KANSL1: variants seen among roughly 807,000 people sequenced by gnomAD.
KANSL1 encodes MLL1/MLL complex subunit KANSL1.
Under a neutral mutation model 103.6 loss-of-function variants are expected in KANSL1, and 22 were observed. The ratio of observed to expected loss-of-function variants is 0.21; its 90% CI spans 0.15 to 0.30. The LOEUF (loss-of-function observed/expected upper bound fraction) is 0.30. Among genes scored for constraint, KANSL1 ranks in the 10% least tolerant of loss-of-function variants. The probability of loss-of-function intolerance (pLI) is 1.00; values close to 1 mark genes in which losing one functional copy is unlikely to be tolerated. For synonymous variants in KANSL1, 600 were observed against 527.6 expected (o/e 1.14, Z -1.88); for missense variants, 1,337 against 1,399.8 (o/e 0.96, Z 0.72).
At chr17:46,215,717 A>G (rs2048319294) in intron 1 of KANSL1, among the ~76,000 whole-genome samples, 1 of 152,212 alleles carries the variant, frequency 6.6e-6, no homozygotes. Context: ...AAGAGGTTGG[A>G]CTGGGGAAGT....
chr17:46,218,259 G>C (rs2048402129), intron 1 of KANSL1, among the ~76,000 whole-genome samples: 1 of 152,234 alleles, frequency 6.6e-6, no homozygotes, highest in Non-Finnish European at 1.5e-5. Context: ...GATGTCATAA[G>C]AAAATTCGCA....
chr17:46,035,899 T>C (rs910819823), intron 10 of KANSL1: 2 of 152,050 alleles, frequency 1.3e-5, no homozygotes, highest in Admixed American at 1.3e-4. Context: ...CCTATTATGT[T>C]AGCTACTCAT....
At chr17:46,138,339 T>C (rs1181530481) in intron 2 of KANSL1, among the ~76,000 whole-genome samples, 2 of 152,250 alleles carry the variant, frequency 1.3e-5, no homozygotes, top group Non-Finnish European at 2.9e-5. Context: ...GTACTGAATA[T>C]GTACAGACTT....
At chr17:46,190,364 G>A (rs531646465) in intron 1 of KANSL1, among the ~76,000 whole-genome samples, 1 of 152,360 alleles carries the variant, frequency 6.6e-6, no homozygotes, top group Admixed American at 6.5e-5. Flanking sequence ...AATAACATGT[G>A]TAGGCAGGAA....
In KANSL1 at chr17:46,062,683, C is replaced by T. The variant is rs192258116; in HGVS notation, c.1848+3854G>A. 3.6e-3 allele frequency among the ~76,000 whole-genome samples: 541 copies of T among 151,640 alleles called. 6 individuals carry two copies. The highest frequency in any genetic ancestry group is 0.014 in the Middle Eastern group (4 of 292). ...AGCCTTTTTAAGGGCAAAAGAGTTA[C>T]TGCACTAAACGTGCATCTCAATTTT... On this transcript the variant is annotated intron_variant, in intron 6 of 14. Coordinates refer to ENST00000432791, the MANE Select transcript of KANSL1 (RefSeq NM_015443.4).
intron 1 of KANSL1, among the ~76,000 whole-genome samples, chr17:46,216,342 G>T (rs966156972): frequency 6.6e-6 from 1 of 152,130 alleles, no homozygotes; most frequent in Non-Finnish European, 1.5e-5. Flanking sequence ...GCCAGACTTG[G>T]TGACTCACAC....
intron 2 of KANSL1, among the ~76,000 whole-genome samples, chr17:46,146,430 T>A (rs1280897845): frequency 6.6e-6 from 1 of 152,222 alleles, no homozygotes; most frequent in Non-Finnish European, 1.5e-5. Context: ...CAGGGCTCTT[T>A]CCTCTACACT....
intron 1 of KANSL1, among the ~76,000 whole-genome samples, chr17:46,191,791 AAAG>A: frequency 6.6e-6 from 1 of 152,344 alleles, no homozygotes; most frequent in South Asian, 2.1e-4. Flanking sequence ...GCCACGTGAC[AAAG>A]GAGATGGCAA....
chr17:46,073,473 T>C (rs1454837529), intron 4 of KANSL1, among the ~76,000 whole-genome samples: 1 of 152,140 alleles, frequency 6.6e-6, no homozygotes, highest in Non-Finnish European at 1.5e-5. Context: ...TTAAAAAATA[T>C]ATACATGTGT....
intron 1 of KANSL1, among the ~76,000 whole-genome samples, chr17:46,177,981 G>C (rs1202835698): frequency 6.6e-6 from 1 of 152,080 alleles, no homozygotes; most frequent in Non-Finnish European, 1.5e-5. Flanking sequence ...GTTTCACCAT[G>C]TTAGCCAGGA....
chr17:46,120,600 A>G (rs1261999720), intron 2 of KANSL1, among the ~76,000 whole-genome samples: 1 of 152,196 alleles, frequency 6.6e-6, no homozygotes, highest in African/African-American at 2.4e-5. Context: ...TGATAGTGTA[A>G]GTTAACATGA....
chr17:46,125,966 A>G (rs2043537147), intron 2 of KANSL1, among the ~76,000 whole-genome samples: 1 of 152,228 alleles, frequency 6.6e-6, no homozygotes, highest in African/African-American at 2.4e-5. Context: ...AAATATTGTT[A>G]TTTCAACACT....
rs185405711 is a variant in KANSL1 at position 46,175,929 on chromosome 17, C to T, written c.-89-3697G>A. Among the ~76,000 whole-genome samples the T allele has an allele frequency of 3.4e-3, 517 of 152,302 alleles. 3 individuals are homozygous for T. Among genetic ancestry groups the T allele is most frequent in the African/African-American group, 0.012 (500 of 41,552 alleles). On this transcript the variant is annotated intron_variant, in intron 1 of 14. Coordinates refer to ENST00000432791, the MANE Select transcript of KANSL1 (RefSeq NM_015443.4). ...TGTTATAGACCAGTTGACAGCTGGACCAATATAGTTGTTAAAAATATTTTG... is the reference window on the plus strand; with the variant it reads ...TGTTATAGACCAGTTGACAGCTGGATCAATATAGTTGTTAAAAATATTTTG...
intron 1 of KANSL1, among the ~76,000 whole-genome samples, chr17:46,204,769 C>T (rs1014133592): frequency 1.3e-5 from 2 of 152,182 alleles, no homozygotes; most frequent in African/African-American, 4.8e-5. Context: ...GACTTAATCC[C>T]AGGGATTCAA....
intron 1 of KANSL1, among the ~76,000 whole-genome samples, chr17:46,190,209 A>G (rs1307465187): frequency 6.6e-6 from 1 of 152,196 alleles, no homozygotes; most frequent in Non-Finnish European, 1.5e-5. Context: ...GTGAAGAAAA[A>G]AGTTTAGTAT....
At chr17:46,055,819 A>C (rs1229230326) in intron 6 of KANSL1, among the ~76,000 whole-genome samples, 2 of 152,212 alleles carry the variant, frequency 1.3e-5, no homozygotes, top group East Asian at 3.8e-4. Context: ...AATTGACCAA[A>C]GTATATATGA....
rs750165871 is a variant in KANSL1 at position 46,170,875 on chromosome 17, G to C, written c.1269C>G (p.Pro423=). 12 of 1,607,564 alleles carry C rather than the reference G, an allele frequency of 7.5e-6. No individual in the cohort carries two copies. The African/African-American group carries it at 1.5e-4, about 20-fold the overall frequency. Residue 423 remains proline, a synonymous_variant, in exon 2 of 15, where the codon CCC becomes CCG. Coordinates refer to ENST00000432791, the MANE Select transcript of KANSL1 (RefSeq NM_015443.4). ...CTCACAGGGGTACATGACGCTGCTC[G>C]GGATCAGCTCTGGTCAGTTCTTCCT... ...IEEEELTRAD[P]EQRHVPLRRR...
intron 3 of KANSL1, among the ~76,000 whole-genome samples, chr17:46,090,068 C>T (rs1418976485): frequency 1.3e-5 from 2 of 152,186 alleles, no homozygotes; most frequent in African/African-American, 4.8e-5. Flanking sequence ...TTAGTGTGGG[C>T]TCTAAATTCA....
At chr17:46,137,429 A>C (rs1369165697) in intron 2 of KANSL1, among the ~76,000 whole-genome samples, 1 of 152,212 alleles carries the variant, frequency 6.6e-6, no homozygotes, top group Non-Finnish European at 1.5e-5. Flanking sequence ...AGCATCCTCA[A>C]ACTTAGAAAA....
Sources: gnomAD v4.1 joint callset for allele counts (sites outside exome capture counted in the v4.1 genomes callset) on GRCh38, gnomAD v4.1.1 for gene constraint, MANE v1.5 for transcripts, NCBI Gene and HGNC (gene_info 2026-07-23, HGNC 2026-07-21) for gene names.